TOMM20L: variants seen among roughly 807,000 people sequenced by gnomAD.
TOMM20L encodes the protein translocase of outer mitochondrial membrane 20 like.
TOMM20L carries 19 observed loss-of-function variants against 20.4 expected under a neutral mutation model. The ratio of observed to expected loss-of-function variants is 0.93; its 90% CI spans 0.65 to 1.36. The LOEUF (loss-of-function observed/expected upper bound fraction) is 1.36, where lower values mean the gene tolerates loss of function less well. Ranked by LOEUF, TOMM20L falls within the 40% of genes most tolerant of loss-of-function variation. TOMM20L has a pLI of 0.00. For missense variants in TOMM20L, 218 were observed against 203.7 expected, an observed-to-expected ratio of 1.07 and a Z score of -0.43; for synonymous variants, 75 against 79.6, an observed-to-expected ratio of 0.94 and a Z score of 0.30.
chr14:58,414,333 C>CA, the TOMM20L span, among the ~76,000 whole-genome samples: 367 of 151,280 alleles, frequency 2.4e-3, no homozygotes, highest in African/African-American at 8.6e-3. Flanking sequence ...GCCACCATCA[C>CA]AAAAAAAAAT....
At position 58,400,448 on chromosome 14, in the gene TOMM20L, AAC is replaced by A. The variant is rs1277913227; in HGVS notation, c.181-2230_181-2229del. Among the ~76,000 whole-genome samples, 9 of 151,794 alleles carry A rather than the reference AAC, an allele frequency of 5.9e-5. No individual in the cohort carries two copies. In the East Asian group the frequency reaches 1.2e-3, roughly 20 times the overall value. Reference sequence around the variant, plus strand: ...AAAAAAAAAAAAAGAAAAAAAAAAAAACAGTCTCAGCTTGGCGCTATGCCTTT... The same window carrying A: ...AAAAAAAAAAAAAGAAAAAAAAAAAAAGTCTCAGCTTGGCGCTATGCCTTT... On this transcript the variant is annotated intron_variant, in intron 2 of 4. Transcript: ENST00000360945.
At chr14:58,398,178 C>T (rs1173228423) in intron 2 of TOMM20L, among the ~76,000 whole-genome samples, 2 of 152,160 alleles carry the variant, frequency 1.3e-5, no homozygotes, top group Non-Finnish European at 2.9e-5. Flanking sequence ...TCGTCATTGT[C>T]CATGGTTTCA....
chr14:58,412,031 G>GTTAGACT, downstream of TOMM20L: 3 of 1,242,796 alleles, frequency 2.4e-6, no homozygotes, highest in Non-Finnish European at 3.5e-6. Flanking sequence ...TAGTCTAACT[G>GTTAGACT]AAGAGTTAGG....
chr14:58,413,729 T>C, the TOMM20L span, among the ~76,000 whole-genome samples: 2 of 152,260 alleles, frequency 1.3e-5, no homozygotes, highest in African/African-American at 4.8e-5. Flanking sequence ...TTGTATAGGC[T>C]GGGCGTGGTG....
the TOMM20L span, among the ~76,000 whole-genome samples, chr14:58,416,028 C>G: frequency 2.8e-5 from 4 of 143,230 alleles, 1 homozygote. Context: ...CCAGCCTGGT[C>G]AACATGGTGA....
intron 2 of TOMM20L, among the ~76,000 whole-genome samples, chr14:58,398,160 C>T (rs2035950368): frequency 6.6e-6 from 1 of 152,176 alleles, no homozygotes; most frequent in South Asian, 2.1e-4. Flanking sequence ...GATACAGCTC[C>T]ATGTCCCTCG....
intron 3 of TOMM20L, among the ~76,000 whole-genome samples, chr14:58,406,830 C>T (rs996101135): frequency 1.3e-5 from 2 of 152,180 alleles, no homozygotes; most frequent in African/African-American, 4.8e-5. Flanking sequence ...GTTCATAAAT[C>T]TCTTATTTTT....
intron 2 of TOMM20L, among the ~76,000 whole-genome samples, chr14:58,400,953 T>G (rs997274846): frequency 6.6e-6 from 1 of 152,230 alleles, no homozygotes; most frequent in Non-Finnish European, 1.5e-5. Context: ...CCTGCAATTT[T>G]GCGTTGCTTA....
downstream of TOMM20L, chr14:58,408,916 T>C (rs2036117777): frequency 6.2e-6 from 9 of 1,446,802 alleles, no homozygotes; most frequent in African/African-American, 1.4e-5. Flanking sequence ...CAAACAGTCA[T>C]GACAGATGGT....
downstream of TOMM20L, chr14:58,411,904 T>C (rs548500715): frequency 1.9e-5 from 30 of 1,613,588 alleles, no homozygotes; most frequent in Admixed American, 1.2e-4. Flanking sequence ...TAGAATACCT[T>C]ACCTGTTTTA....
chr14:58,410,929 A>G, downstream of TOMM20L: 1 of 1,612,030 alleles, frequency 6.2e-7, no homozygotes, highest in Non-Finnish European at 8.5e-7. Flanking sequence ...GTCCCCAGAA[A>G]TTCCTTAAAC....
rs750465345 is a variant in TOMM20L at position 58,407,473 on chromosome 14, G to A, written c.405+5G>A. On this transcript the variant is annotated splice_donor_5th_base_variant and intron_variant, in intron 4 of 4. Transcript: ENST00000360945. ...AAAATTCCCCTTATTTGCCAGGTGA[G>A]CACATATTTAATTATCTTTGTGAAA... 98 of 1,608,620 alleles carry A rather than the reference G, an allele frequency of 6.1e-5. No individual in the cohort carries two copies. The Middle Eastern group carries it at 2.0e-3, about 32-fold the overall frequency.
intron 2 of TOMM20L, among the ~76,000 whole-genome samples, chr14:58,399,460 C>T (rs1173475822): frequency 1.3e-5 from 2 of 151,968 alleles, no homozygotes; most frequent in Non-Finnish European, 2.9e-5. Context: ...AATGCAAATT[C>T]CTGGGCCCTA....
chr14:58,406,697 T>C (rs2036062697), intron 3 of TOMM20L, among the ~76,000 whole-genome samples: 1 of 152,230 alleles, frequency 6.6e-6, no homozygotes, highest in Non-Finnish European at 1.5e-5. Context: ...ATTAAAGTCA[T>C]TCCATGTTCT....
the TOMM20L span, among the ~76,000 whole-genome samples, chr14:58,414,742 A>AAG: frequency 6.6e-6 from 1 of 151,404 alleles, no homozygotes; most frequent in Middle Eastern, 3.4e-3. Flanking sequence ...ATCTCAAAAA[A>AAG]AAAAAAAAAG....
the TOMM20L span, among the ~76,000 whole-genome samples, chr14:58,413,779 G>A: frequency 6.6e-6 from 1 of 151,186 alleles, no homozygotes; most frequent in African/African-American, 2.4e-5. Context: ...AGGCTGAGGC[G>A]GGCAGATTAC....
At chr14:58,411,852 A>G (rs2036230595), downstream of TOMM20L, 11 of 1,522,234 alleles carry the variant, frequency 7.2e-6, 1 homozygote, top group South Asian at 1.0e-4. Context: ...TGGTGGCATT[A>G]GTAGCACCTT....
chr14:58,413,943 C>T, the TOMM20L span, among the ~76,000 whole-genome samples: 51 of 121,616 alleles, frequency 4.2e-4, no homozygotes, highest in Middle Eastern at 0.011. Context: ...GGAGGTGGAG[C>T]TTGCAGTGAG....
chr14:58,402,934 G>T (rs1244961181), intron 3 of TOMM20L, among the ~76,000 whole-genome samples, 173 bp downstream of exon 3: 1 of 152,198 alleles, frequency 6.6e-6, no homozygotes, highest in African/African-American at 2.4e-5. Flanking sequence ...AATTATGTTA[G>T]CATTTAGTGC....
Sources: gnomAD v4.1 joint callset for allele counts (sites outside exome capture counted in the v4.1 genomes callset) on GRCh38, gnomAD v4.1.1 for gene constraint, MANE v1.5 for transcripts, NCBI Gene and HGNC (gene_info 2026-07-23, HGNC 2026-07-21) for gene names.